The following NACC2 variants were observed in gnomAD, a reference collection of about 807,000 sequenced individuals.
NACC2 encodes nucleus accumbens-associated protein 2.
In NACC2, 8 loss-of-function variants were observed where a neutral mutation model predicts 25.1. That is an observed-to-expected ratio of 0.32 (90% CI 0.19 to 0.57). The LOEUF is 0.57. Ranked by LOEUF, NACC2 falls within the 20% of genes least tolerant of loss-of-function variation. The pLI is 0.89. For missense variants in NACC2, 644 were observed against 650.2 expected (o/e 0.99, Z 0.10); for synonymous variants, 435 against 294.7 (o/e 1.48, Z -4.88).
In NACC2 at chr9:136,020,139, G is replaced by C. The variant is rs995995892; in HGVS notation, c.887-3710C>G. ...CCGAACCACGCACGTAAAAGTCACT[G>C]CAACGGCCCCTCTCACGTCCACTTT... On this transcript the variant is annotated intron_variant, in intron 2 of 5. Transcript: ENST00000277554. This position sits in a 1 kb window ranked among gnomAD's most constrained non-coding sequence, Gnocchi z 4.7. 3.9e-5 allele frequency among the ~76,000 whole-genome samples: 6 copies of C among 152,174 alleles called. No individual in the cohort carries two copies. The highest frequency in any genetic ancestry group is 8.8e-5 in the Non-Finnish European group (6 of 68,034).
Position 136,013,727 on chromosome 9 carries a change from G to T in NACC2, c.1157+137C>A. The stretch of plus-strand genomic sequence containing the variant: ...GGAGCCTCTCCACCGTCCTGGGGCC[G>T]ACCGGCCACGGCTGAAGTCAGGAAT... On this transcript the variant is annotated intron_variant, in intron 4 of 5. Coordinates refer to ENST00000277554, the MANE Select transcript of NACC2 (RefSeq NM_144653.5). This position sits in a 1 kb window ranked among gnomAD's most constrained non-coding sequence, Gnocchi z 6.6. 1.2e-5 allele frequency: 9 copies of T among 729,218 alleles called. 1 individual carries two copies. The South Asian group carries it at 1.7e-4, about 14-fold the overall frequency. 45.2% of individuals were successfully genotyped at this position (729,218 alleles called of 1,614,324 possible).
At chr9:136,045,683 C>A (rs1423369819) in intron 2 of NACC2, among the ~76,000 whole-genome samples, 1 of 152,178 alleles carries the variant, frequency 6.6e-6, no homozygotes, top group South Asian at 2.1e-4. Flanking sequence ...TCGACCTCAG[C>A]GGTCTGCCAT....
At chr9:136,072,850 C>CAAATAAATAAAT (rs61208098) in intron 1 of NACC2, among the ~76,000 whole-genome samples, 1 of 150,258 alleles carries the variant, frequency 6.7e-6, no homozygotes, top group Non-Finnish European at 1.5e-5. Context: ...AACTCCGTCT[C>CAAATAAATAAAT]AAATAAATAA....
intron 2 of NACC2, among the ~76,000 whole-genome samples, chr9:136,024,493 TGA>T (rs1032934242): frequency 9.3e-6 from 1 of 107,272 alleles, no homozygotes; most frequent in African/African-American, 3.7e-5. Flanking sequence ...ACAGTGTGTG[TGA>T]GGACAGAATG....
At chr9:136,080,152 GACC>G (rs965667749) in intron 1 of NACC2, among the ~76,000 whole-genome samples, 3 of 152,216 alleles carry the variant, frequency 2.0e-5, no homozygotes, top group Admixed American at 6.5e-5. Flanking sequence ...CCAACGGTTT[GACC>G]ACAAGGGCCT....
chr9:136,073,646 T>C (rs933714422), intron 1 of NACC2, among the ~76,000 whole-genome samples: 2 of 76,104 alleles, frequency 2.6e-5, no homozygotes, highest in Admixed American at 1.5e-4. Flanking sequence ...AACCCAAGAA[T>C]GTTTGCAGAA....
At chr9:136,062,657 G>A (rs962726360) in intron 1 of NACC2, among the ~76,000 whole-genome samples, 1 of 152,232 alleles carries the variant, frequency 6.6e-6, no homozygotes, top group Non-Finnish European at 1.5e-5. Context: ...GCTCATGCCT[G>A]TAATCCCAAC....
intron 1 of NACC2, among the ~76,000 whole-genome samples, chr9:136,081,046 C>T (rs74690390): frequency 0.059 from 9,003 of 152,228 alleles, 331 homozygotes; most frequent in East Asian, 0.11. Flanking sequence ...CAGAACCCCA[C>T]GGGCCCAGGG....
intron 1 of NACC2, among the ~76,000 whole-genome samples, chr9:136,088,495 C>A (rs1170783414): frequency 6.6e-6 from 1 of 152,126 alleles, no homozygotes; most frequent in African/African-American, 2.4e-5. Flanking sequence ...CGAGCCACTG[C>A]GCATGGACAT....
rs534422413 is a variant in NACC2 at position 136,079,879 on chromosome 9, C to T, written c.-60+15310G>A. 7.2e-4 allele frequency among the ~76,000 whole-genome samples: 110 copies of T among 152,354 alleles called. 1 individual carries two copies. Among genetic ancestry groups the T allele is most frequent in the African/African-American group, 2.5e-3 (103 of 41,582 alleles). On this transcript the variant is annotated intron_variant, in intron 1 of 5. Transcript: ENST00000277554. ...AAGGCCCCAGGGGCCAGGCCACAGC[C>T]GTGCTGTGGAAGGAGCCGCTAGCCC...
intron 1 of NACC2, among the ~76,000 whole-genome samples, chr9:136,054,070 G>C (rs1383631350): frequency 2.0e-5 from 3 of 152,242 alleles, no homozygotes; most frequent in African/African-American, 7.2e-5. Context: ...ATGGTTCCTG[G>C]GGGTGAATGG....
At chr9:136,064,193 G>GT (rs898971573) in intron 1 of NACC2, among the ~76,000 whole-genome samples, 4 of 152,056 alleles carry the variant, frequency 2.6e-5, no homozygotes, top group Admixed American at 1.3e-4. Flanking sequence ...GGAGGCTGAG[G>GT]GGGGAGAATC....
chr9:136,060,542 C>T lies in NACC2; in HGVS notation c.-59-9962G>A, dbSNP rs890051375. On this transcript the variant is annotated intron_variant, in intron 1 of 5. Transcript: ENST00000277554. Reference sequence around the variant, plus strand: ...CTGAGGGTCAGCTCCACACTGGGGCCGGGTGGGGGGTGCCACTCTGCCTTG... The same window carrying T: ...CTGAGGGTCAGCTCCACACTGGGGCTGGGTGGGGGGTGCCACTCTGCCTTG... Among the ~76,000 whole-genome samples the T allele has an allele frequency of 5.3e-5, 8 of 152,310 alleles. 1 individual carries two copies. Among genetic ancestry groups the T allele is most frequent in the Admixed American group, 3.9e-4 (6 of 15,310 alleles).
chr9:136,077,833 G>A lies in NACC2; in HGVS notation c.-60+17356C>T, dbSNP rs536476913. Among the ~76,000 whole-genome samples the A allele has an allele frequency of 2.5e-4, 38 of 152,360 alleles. 1 individual carries two copies. In the East Asian group the frequency reaches 7.3e-3, roughly 29 times the overall value. Reference sequence around the variant, plus strand: ...GAAAGTAGTTTGAAAAGTGAATAAGGAATCAGTGATGAATACTGACTTGTG... The same window carrying A: ...GAAAGTAGTTTGAAAAGTGAATAAGAAATCAGTGATGAATACTGACTTGTG... On this transcript the variant is annotated intron_variant, in intron 1 of 5. Coordinates refer to ENST00000277554, the MANE Select transcript of NACC2 (RefSeq NM_144653.5).
Position 136,020,853 on chromosome 9 carries a change from A to C in NACC2, c.887-4424T>G, listed in dbSNP as rs970855421. Among the ~76,000 whole-genome samples, 4 of 152,172 alleles carry C rather than the reference A, an allele frequency of 2.6e-5. No homozygotes were observed. The highest frequency in any genetic ancestry group is 9.7e-5 in the African/African-American group (4 of 41,436). ...ACCAGCCTTTGTCAACGGAGGAGGC[A>C]GCAGCCTTCACAAATGGGGCTTGAG... On this transcript the variant is annotated intron_variant, in intron 2 of 5. Coordinates refer to ENST00000277554, the MANE Select transcript of NACC2 (RefSeq NM_144653.5). This position sits in a 1 kb window ranked among gnomAD's most constrained non-coding sequence, Gnocchi z 4.7.
At chr9:136,092,556 T>G (rs1466786398) in intron 1 of NACC2, among the ~76,000 whole-genome samples, 1 of 152,176 alleles carries the variant, frequency 6.6e-6, no homozygotes, top group Non-Finnish European at 1.5e-5. Context: ...CCAGGTTTCC[T>G]CAGCCCAGGC....
Position 136,013,109 on chromosome 9 carries a change from G to C in NACC2, c.1255+90C>G, listed in dbSNP as rs1840138037. The stretch of plus-strand genomic sequence containing the variant: ...AGGGACGGAAGCTGCAGGTGGCCGG[G>C]AGCACCCCCGCGGCCCACCCAGTCC... On this transcript the variant is annotated intron_variant, in intron 5 of 5. Coordinates refer to ENST00000277554, the MANE Select transcript of NACC2 (RefSeq NM_144653.5). The surrounding 1 kb of genome is among the most constrained non-coding windows in gnomAD (Gnocchi z 6.6). The C allele has an allele frequency of 3.5e-6, 4 of 1,129,800 alleles. No homozygotes were observed. In the African/African-American group the frequency reaches 4.7e-5, roughly 13 times the overall value. The allele number at this position is 1,129,800 out of a possible 1,614,324, so 70.0% of individuals were successfully genotyped here.
intron 1 of NACC2, 61 bp downstream of exon 1, chr9:136,095,128 T>C (rs1488631878): frequency 6.9e-6 from 1 of 145,388 alleles, no homozygotes; most frequent in Non-Finnish European, 1.5e-5. Context: ...GCCCGGCCCG[T>C]GGGACGACCC....
intron 2 of NACC2, among the ~76,000 whole-genome samples, chr9:136,029,441 G>A (rs1446706865): frequency 6.6e-6 from 1 of 152,190 alleles, no homozygotes; most frequent in Non-Finnish European, 1.5e-5. Context: ...TCATTTTCCT[G>A]GATGCGGAAC....
Sources: allele counts gnomAD v4.1 joint callset (sites outside exome capture counted in the v4.1 genomes callset), GRCh38; gene constraint gnomAD v4.1.1; non-coding constraint Gnocchi (gnomAD v3.1); transcripts MANE v1.5; gene names NCBI Gene and HGNC (gene_info 2026-07-23, HGNC 2026-07-21).